Variants in ZFYVE16 observed in about 807,000 individuals in gnomAD.
ZFYVE16 encodes zinc finger FYVE domain-containing protein 16.
In ZFYVE16, 89 loss-of-function variants were observed where a neutral mutation model predicts 138.1. The ratio of observed to expected loss-of-function variants is 0.64; its 90% CI spans 0.54 to 0.77. The LOEUF (loss-of-function observed/expected upper bound fraction) is 0.77. Ranked by LOEUF, ZFYVE16 falls within the 30% of genes least tolerant of loss-of-function variation. The pLI is 0.00. For synonymous variants in ZFYVE16, 596 were observed against 618.3 expected (o/e 0.96, Z 0.53); for missense variants, 1,793 against 1,786.7 (o/e 1.00, Z -0.06).
chr5:80,456,361 CT>C (rs1752530622), intron 12 of ZFYVE16, 99 bp from the exon 13 acceptor site: 4 of 914,166 alleles, frequency 4.4e-6, no homozygotes, highest in Middle Eastern at 4.4e-4. Flanking sequence ...GAATGATATT[CT>C]TTATTACTGC....
At chr5:80,468,223 C>T in intron 15 of ZFYVE16, among the ~76,000 whole-genome samples, 1 of 152,168 alleles carries the variant, frequency 6.6e-6, no homozygotes, top group East Asian at 1.9e-4. Context: ...GGCACATTTT[C>T]CATTTTCAGT....
intron 2 of ZFYVE16, among the ~76,000 whole-genome samples, chr5:80,430,796 G>A (rs752999606): frequency 6.6e-6 from 1 of 152,198 alleles, no homozygotes; most frequent in Non-Finnish European, 1.5e-5. Flanking sequence ...TGCCATCAGA[G>A]AATACTATAA....
In ZFYVE16 at chr5:80,421,449, G is replaced by T. The variant is rs187438537; in HGVS notation, c.-93-6043G>T. 6.2e-3 allele frequency among the ~76,000 whole-genome samples: 950 copies of T among 152,146 alleles called. 10 individuals are homozygous for T. The highest frequency in any genetic ancestry group is 0.021 in the African/African-American group (878 of 41,510). On this transcript the variant is annotated intron_variant, in intron 1 of 18. Transcript: ENST00000505560. ...TTTAGGTCTAACATTTAAGTCTTTA[G>T]TCCATCTTAAATTAATTTTTTATAA...
At chr5:80,464,192 C>T (rs903966864) in intron 15 of ZFYVE16, among the ~76,000 whole-genome samples, 6 of 152,086 alleles carry the variant, frequency 3.9e-5, no homozygotes, top group Admixed American at 2.0e-4. Flanking sequence ...AGTCTGTTCT[C>T]ATGCTGCTAT....
At chr5:80,451,885 G>A (rs1315821829) in intron 11 of ZFYVE16, 176 bp downstream of exon 11, 2 of 584,408 alleles carry the variant, frequency 3.4e-6, no homozygotes, top group Non-Finnish European at 5.8e-6. Flanking sequence ...GATAACTGTG[G>A]TATGTCTTCA....
intron 2 of ZFYVE16, among the ~76,000 whole-genome samples, chr5:80,431,873 AC>A (rs1380075223): frequency 6.6e-6 from 1 of 152,228 alleles, no homozygotes; most frequent in African/African-American, 2.4e-5. Context: ...AATCCAACTT[AC>A]AAGGGAGGTG....
intron 3 of ZFYVE16, 59 bp from the exon 4 acceptor site, chr5:80,436,697 A>G: frequency 5.7e-6 from 8 of 1,407,310 alleles, no homozygotes; most frequent in Non-Finnish European, 7.7e-6. Context: ...GAAACATAAT[A>G]TGTTTAATAA....
At chr5:80,418,443 G>A (rs1436617561) in intron 1 of ZFYVE16, among the ~76,000 whole-genome samples, 1 of 151,700 alleles carries the variant, frequency 6.6e-6, no homozygotes, top group African/African-American at 2.4e-5. Context: ...CTCTCAAGTA[G>A]CTAGAACTAT....
intron 2 of ZFYVE16, among the ~76,000 whole-genome samples, chr5:80,432,346 A>G (rs1749174345): frequency 6.6e-6 from 1 of 152,230 alleles, no homozygotes; most frequent in Non-Finnish European, 1.5e-5. Flanking sequence ...AGGATTCCCT[A>G]TTTAACAAAT....
At position 80,479,746 on chromosome 5, in the gene ZFYVE16, T is replaced by C. The variant is rs1379329808; in HGVS notation, c.*2369T>C. Among the ~76,000 whole-genome samples, 1 of 152,190 alleles carries C rather than the reference T, an allele frequency of 6.6e-6. No individual in the cohort carries two copies. Among genetic ancestry groups the C allele is most frequent in the Non-Finnish European group, 1.5e-5 (1 of 68,032 alleles). Reference sequence around the variant, plus strand: ...AAAGAGAATAAGAGAAGCAAGCATGTACCCTTACTCTGACAACCTTATGAG... The same window carrying C: ...AAAGAGAATAAGAGAAGCAAGCATGCACCCTTACTCTGACAACCTTATGAG... On this transcript the variant is annotated 3_prime_UTR_variant, in exon 19 of 19. Transcript: ENST00000505560.
intron 1 of ZFYVE16, among the ~76,000 whole-genome samples, chr5:80,425,234 CT>C (rs1234065776): frequency 2.6e-5 from 4 of 152,180 alleles, no homozygotes; most frequent in Admixed American, 2.0e-4. Flanking sequence ...CCTCGTCCCT[CT>C]GGGCATTACT....
intron 4 of ZFYVE16, 57 bp downstream of exon 4, chr5:80,439,064 C>A: frequency 6.7e-7 from 1 of 1,482,736 alleles, no homozygotes; most frequent in South Asian, 1.3e-5. Context: ...TAAACAAATA[C>A]AATGTGATAG....
Position 80,477,348 on chromosome 5 carries a change from G to C in ZFYVE16, c.4591G>C (p.Val1531Leu), listed in dbSNP as rs774952922. ...NSSLPLEIEL[V>L]FFIIEHLF is the part of the protein sequence containing the mutation. ...TAGTTTACCATTAGAAATAGAATTA[G>C]TGTTTTTCATTATAGAACATCTTTT... The change falls in exon 19 of 19, where the codon GTG (valine) becomes CTG (leucine). Residue 1531 changes from valine to leucine, a missense_variant. Coordinates refer to ENST00000505560, the MANE Select transcript of ZFYVE16 (RefSeq NM_001284236.3). 1 of 1,607,826 alleles carries C rather than the reference G, an allele frequency of 6.2e-7. No homozygotes were observed. The highest frequency in any genetic ancestry group is 1.7e-5 in the Admixed American group (1 of 58,934).
Position 80,448,151 on chromosome 5 carries a change from G to A in ZFYVE16, c.2850G>A (p.Leu950=). The change falls in exon 8 of 19, where the codon TTG becomes TTA. Residue 950 remains leucine, a synonymous_variant. Transcript: ENST00000505560. ...PISQVPSVEK[L]SMNTGNEGLP... The stretch of plus-strand genomic sequence containing the variant: ...CTCAGGTTCCATCAGTGGAAAAATT[G>A]TCTATGAACACAGGAAATGAGGGGT... 2.5e-6 allele frequency: 4 copies of A among 1,613,952 alleles called. No individual in the cohort carries two copies. Among genetic ancestry groups the A allele is most frequent in the African/African-American group, 1.3e-5 (1 of 75,036 alleles).
At chr5:80,470,830 G>A (rs1390615788) in intron 15 of ZFYVE16, among the ~76,000 whole-genome samples, 3 of 152,052 alleles carry the variant, frequency 2.0e-5, no homozygotes, top group Non-Finnish European at 4.4e-5. Flanking sequence ...ATTTTTGGTT[G>A]TATATTTGTC....
chr5:80,462,228 G>T (rs1255933489), intron 15 of ZFYVE16, among the ~76,000 whole-genome samples: 1 of 152,134 alleles, frequency 6.6e-6, no homozygotes, highest in Non-Finnish European at 1.5e-5. Context: ...ATAAAGAACT[G>T]CCTGAGACTG....
At chr5:80,429,952 A>AC (rs1748740573) in intron 2 of ZFYVE16, among the ~76,000 whole-genome samples, 2 of 152,144 alleles carry the variant, frequency 1.3e-5, no homozygotes, top group South Asian at 4.1e-4. Flanking sequence ...GTTCTTAGAG[A>AC]CCTACAAAGA....
At position 80,443,667 on chromosome 5, in the gene ZFYVE16, G is replaced by T. The variant is rs763400394; in HGVS notation, c.2581+383G>T. On this transcript the variant is annotated intron_variant, in intron 6 of 18. Coordinates refer to ENST00000505560, the MANE Select transcript of ZFYVE16 (RefSeq NM_001284236.3). Reference sequence around the variant, plus strand: ...ACTAAAGTAGACCTCCAGATTTGATGTTAGGAGTACTGAAAATCATGAGTC... The same window carrying T: ...ACTAAAGTAGACCTCCAGATTTGATTTTAGGAGTACTGAAAATCATGAGTC... 4 of 455,006 alleles carry T rather than the reference G, an allele frequency of 8.8e-6. No homozygotes were observed. In the Admixed American group the frequency reaches 9.5e-5, roughly 11 times the overall value. The allele number at this position is 455,006 out of a possible 1,614,324, so 28.2% of individuals were successfully genotyped here. A position where few individuals can be genotyped will look rare whatever the true frequency, so the allele number is the denominator to read the frequency against.
Position 80,455,661 on chromosome 5 carries a change from A to G in ZFYVE16, c.3608-31A>G, listed in dbSNP as rs200413531. The stretch of plus-strand genomic sequence containing the variant: ...CAATAATTTGGGGTTTTTTTTGTTG[A>G]TAGTAACCAGTTTTCCTTTCTTATG... On this transcript the variant is annotated intron_variant, in intron 11 of 18. Coordinates refer to ENST00000505560, the MANE Select transcript of ZFYVE16 (RefSeq NM_001284236.3). The G allele has an allele frequency of 5.6e-4, 884 of 1,569,372 alleles. 5 individuals carry two copies. In the African/African-American group the frequency reaches 0.01, roughly 19 times the overall value.
Sources: allele counts gnomAD v4.1 joint callset (sites outside exome capture counted in the v4.1 genomes callset), GRCh38; gene constraint gnomAD v4.1.1; transcripts MANE v1.5; gene names NCBI Gene and HGNC (gene_info 2026-07-23, HGNC 2026-07-21).